Variants in SDK1 observed in about 807,000 individuals in gnomAD.
The protein encoded by SDK1 is protein sidekick-1.
SDK1 carries 157 observed loss-of-function variants against 245.5 expected under a neutral mutation model. The ratio of observed to expected loss-of-function variants is 0.64; its 90% CI spans 0.56 to 0.73. SDK1 has a LOEUF of 0.73. Ranked by LOEUF, SDK1 falls within the 30% of genes least tolerant of loss-of-function variation. SDK1 has a pLI of 0.00. For synonymous variants in SDK1, 1,647 were observed against 1,278.5 expected (o/e 1.29, Z -6.15); for missense variants, 3,583 against 3,002.3 (o/e 1.19, Z -4.52).
intron 4 of SDK1, among the ~76,000 whole-genome samples, chr7:3,765,487 C>G (rs929929006): frequency 6.6e-6 from 1 of 152,144 alleles, no homozygotes; most frequent in African/African-American, 2.4e-5. Context: ...GATTCACCTG[C>G]GCTGTGGTGA....
intron 4 of SDK1, among the ~76,000 whole-genome samples, chr7:3,799,303 A>T (rs1049196102): frequency 6.6e-6 from 1 of 151,784 alleles, no homozygotes; most frequent in Non-Finnish European, 1.5e-5. Context: ...TAATTCTTCT[A>T]TCTCAAATTG....
At chr7:3,913,444 C>T (rs1020383362) in intron 5 of SDK1, among the ~76,000 whole-genome samples, 1 of 152,076 alleles carries the variant, frequency 6.6e-6, no homozygotes, top group Non-Finnish European at 1.5e-5. Context: ...CAGGCGCTCG[C>T]CACAACGCCC....
At chr7:3,474,446 C>T (rs1318891505) in intron 1 of SDK1, among the ~76,000 whole-genome samples, 1 of 152,002 alleles carries the variant, frequency 6.6e-6, no homozygotes, top group Non-Finnish European at 1.5e-5. Context: ...CCAGTACCAA[C>T]CCCAGTATCT....
intron 2 of SDK1, among the ~76,000 whole-genome samples, chr7:3,629,040 C>T (rs1475623391): frequency 6.6e-6 from 1 of 151,930 alleles, no homozygotes; most frequent in African/African-American, 2.4e-5. Context: ...CACCTATAAT[C>T]CCAGCACTTT....
In SDK1 at chr7:3,336,172, A is replaced by C. The variant is rs141102767; in HGVS notation, c.298+34288A>C. Among the ~76,000 whole-genome samples, 7 of 152,290 alleles carry C rather than the reference A, an allele frequency of 4.6e-5. No individual in the cohort carries two copies. The East Asian group carries it at 1.4e-3, about 29-fold the overall frequency. Reference sequence around the variant, plus strand: ...GTCAGTACTCACTCTGCTCCAGCTAAACCAAGGAAACTGCCCTCCTCCCTT... The same window carrying C: ...GTCAGTACTCACTCTGCTCCAGCTACACCAAGGAAACTGCCCTCCTCCCTT... On this transcript the variant is annotated intron_variant, in intron 1 of 44. Transcript: ENST00000404826.
chr7:3,512,827 G>A lies in SDK1; in HGVS notation c.299-106253G>A, dbSNP rs140604275. 6.9e-3 allele frequency among the ~76,000 whole-genome samples: 1,054 copies of A among 151,864 alleles called. 7 individuals are homozygous for A. Among genetic ancestry groups the A allele is most frequent in the South Asian group, 0.018 (89 of 4,812 alleles). ...TCCATCTGTTTTTTTTCCATTTAAC[G>A]TCACGATGAAATCTTTTTCTGTTTT... On this transcript the variant is annotated intron_variant, in intron 1 of 44. Transcript: ENST00000404826.
At chr7:4,245,915 C>T in intron 44 of SDK1, 110 bp downstream of exon 44, 5 of 1,313,186 alleles carry the variant, frequency 3.8e-6, no homozygotes, top group Non-Finnish European at 5.3e-6. Flanking sequence ...AACATCCCCA[C>T]AGGCAGAGCC....
At chr7:3,677,090 A>C (rs1783925219) in intron 4 of SDK1, among the ~76,000 whole-genome samples, 1 of 151,976 alleles carries the variant, frequency 6.6e-6, no homozygotes, top group Non-Finnish European at 1.5e-5. Context: ...CTAATTTTGT[A>C]CTTTTTTCAA....
At chr7:3,975,778 C>A (rs557992339) in intron 13 of SDK1, among the ~76,000 whole-genome samples, 2 of 152,222 alleles carry the variant, frequency 1.3e-5, no homozygotes, top group African/African-American at 2.4e-5. Flanking sequence ...CAGGATGACC[C>A]CTTGTTCTCT....
In SDK1 at chr7:4,267,489, TC is replaced by T. The variant is rs1293276830; in HGVS notation, c.*2109del. 2.0e-6 allele frequency: 2 copies of T among 985,240 alleles called. No homozygotes were observed. The highest frequency in any genetic ancestry group is 2.3e-4 in the East Asian group (2 of 8,808). The allele number at this position is 985,240 out of a possible 1,614,324, so 61.0% of individuals were successfully genotyped here. A position where few individuals can be genotyped will look rare whatever the true frequency, so the allele number is the denominator to read the frequency against. On this transcript the variant is annotated 3_prime_UTR_variant, in exon 45 of 45. Coordinates refer to ENST00000404826, the MANE Select transcript of SDK1 (RefSeq NM_152744.4). ...ACCACAGTGGACAGTGCCACCTCCT[TC>T]CCCTCGGCCCCGGAGAGGGCGAAGT...
chr7:3,585,800 G>A (rs1004669654), intron 1 of SDK1, among the ~76,000 whole-genome samples: 1 of 152,058 alleles, frequency 6.6e-6, no homozygotes, highest in South Asian at 2.1e-4. Context: ...TGCCACTTTT[G>A]CCTCTAAACA....
intron 5 of SDK1, among the ~76,000 whole-genome samples, chr7:3,847,515 T>C (rs1390596424): frequency 6.6e-6 from 1 of 152,196 alleles, no homozygotes; most frequent in South Asian, 2.1e-4. Context: ...AGAAGGAGGA[T>C]TGGAAGCAAG....
intron 44 of SDK1, among the ~76,000 whole-genome samples, chr7:4,260,834 C>CGG (rs1374369947): frequency 6.7e-6 from 1 of 150,096 alleles, no homozygotes; most frequent in African/African-American, 2.5e-5. Context: ...TCCGGGGTCT[C>CGG]TGCATGTGTG....
rs1780469238 is a variant in SDK1 at position 3,580,997 on chromosome 7, A to AAAAAAAAAAAAAAAAAAAAAAG, written c.299-38080_299-38079insAAAAAAAAAAAAAAAAAAGAAA. 2.8e-5 allele frequency among the ~76,000 whole-genome samples: 2 copies of AAAAAAAAAAAAAAAAAAAAAAG among 71,510 alleles called. 1 individual carries two copies. Among genetic ancestry groups the AAAAAAAAAAAAAAAAAAAAAAG allele is most frequent in the Admixed American group, 3.7e-4 (2 of 5,458 alleles). The allele number at this position is 71,510 out of a possible 152,430, so 46.9% of individuals were successfully genotyped here. ...AAAAAAAAAAAAAAAAAAAAAAACC[A>AAAAAAAAAAAAAAAAAAAAAAG]AAACAAAACCCTGGAAGACAATCTA... On this transcript the variant is annotated intron_variant, in intron 1 of 44. Coordinates refer to ENST00000404826, the MANE Select transcript of SDK1 (RefSeq NM_152744.4).
In SDK1 at chr7:4,252,282, C is replaced by T. The variant is rs574470899; in HGVS notation, c.6381+6477C>T. On this transcript the variant is annotated intron_variant, in intron 44 of 44. Transcript: ENST00000404826. ...TCCATGTGTGCTCATTGTTCAATTC[C>T]CACCTATGAGTGAGAACATGCGGTG... 1.9e-4 allele frequency among the ~76,000 whole-genome samples: 29 copies of T among 149,714 alleles called. No homozygotes were observed. The South Asian group carries it at 6.2e-3, about 32-fold the overall frequency.
intron 4 of SDK1, among the ~76,000 whole-genome samples, chr7:3,654,620 T>C (rs1308758519): frequency 1.3e-5 from 2 of 152,164 alleles, no homozygotes; most frequent in Admixed American, 1.3e-4. Flanking sequence ...TGATGCTTGT[T>C]GGGCACCTGT....
chr7:4,048,558 G>A (rs542619283), intron 17 of SDK1, among the ~76,000 whole-genome samples: 1 of 149,428 alleles, frequency 6.7e-6, no homozygotes, highest in Admixed American at 6.7e-5. Context: ...CTTTTCCCAT[G>A]GCTCTCCCAG....
chr7:3,524,003 A>G (rs1403587205), intron 1 of SDK1, among the ~76,000 whole-genome samples: 1 of 152,160 alleles, frequency 6.6e-6, no homozygotes, highest in Non-Finnish European at 1.5e-5. Flanking sequence ...CTCAGGAGTT[A>G]GAAGCCTGTG....
chr7:3,320,450 G>A lies in SDK1; in HGVS notation c.298+18566G>A, dbSNP rs116831770. Reference sequence around the variant, plus strand: ...GTCAGAATTGTGTATTTCAGTGTCAGAGTTCCCTGTTAAAAAATTAGCCTT... The same window carrying A: ...GTCAGAATTGTGTATTTCAGTGTCAAAGTTCCCTGTTAAAAAATTAGCCTT... On this transcript the variant is annotated intron_variant, in intron 1 of 44. Transcript: ENST00000404826. 8.9e-3 allele frequency among the ~76,000 whole-genome samples: 1,351 copies of A among 152,208 alleles called. 18 individuals carry two copies. Among genetic ancestry groups the A allele is most frequent in the African/African-American group, 0.031 (1,282 of 41,538 alleles).
Sources: gnomAD v4.1 joint callset for allele counts (sites outside exome capture counted in the v4.1 genomes callset) on GRCh38, gnomAD v4.1.1 for gene constraint, MANE v1.5 for transcripts, NCBI Gene and HGNC (gene_info 2026-07-23, HGNC 2026-07-21) for gene names.